Variants in STIM1 observed in about 807,000 individuals in gnomAD.
The protein encoded by STIM1 is stromal interaction molecule 1.
Under a neutral mutation model 74.7 loss-of-function variants are expected in STIM1, and 25 were observed. The observed-to-expected ratio is 0.33, with a 90% CI of 0.24 to 0.47. The LOEUF (loss-of-function observed/expected upper bound fraction) is 0.47, where lower values mean the gene tolerates loss of function less well. Among genes scored for constraint, STIM1 ranks in the 20% least tolerant of loss-of-function variants. STIM1 has a pLI of 1.00. For synonymous variants in STIM1, 328 were observed against 348.8 expected, an observed-to-expected ratio of 0.94 and a Z score of 0.66; for missense variants, 728 against 920.8, an observed-to-expected ratio of 0.79 and a Z score of 2.71.
chr11:4,079,467 G>T (rs11030853), intron 7 of STIM1, among the ~76,000 whole-genome samples: 2 of 151,056 alleles, frequency 1.3e-5, no homozygotes, highest in Non-Finnish European at 3.0e-5. Context: ...ACAGCTATTC[G>T]GGAGGCTCAG....
intron 1 of STIM1, among the ~76,000 whole-genome samples, chr11:3,873,881 T>C (rs1367814246): frequency 6.6e-6 from 1 of 152,106 alleles, no homozygotes; most frequent in Admixed American, 6.6e-5. Flanking sequence ...CTTGAGCATA[T>C]CTAATTGGCT....
At chr11:4,025,013 C>T (rs2093987532) in intron 3 of STIM1, among the ~76,000 whole-genome samples, 1 of 152,100 alleles carries the variant, frequency 6.6e-6, no homozygotes, top group Admixed American at 6.6e-5. Context: ...CCATCAGGAT[C>T]CCTGGTTTTT....
At chr11:4,039,643 T>G (rs1226465087) in intron 3 of STIM1, among the ~76,000 whole-genome samples, 2 of 151,932 alleles carry the variant, frequency 1.3e-5, no homozygotes, top group African/African-American at 4.8e-5. Flanking sequence ...TTTTTCATGT[T>G]TATCTGTGAG....
intron 1 of STIM1, among the ~76,000 whole-genome samples, chr11:3,912,746 G>A (rs1255816918): frequency 6.6e-6 from 1 of 152,166 alleles, no homozygotes; most frequent in African/African-American, 2.4e-5. Flanking sequence ...TGCCAATGTG[G>A]GCTCTCTCAT....
intron 3 of STIM1, among the ~76,000 whole-genome samples, chr11:4,033,937 A>G (rs1041223778): frequency 6.6e-6 from 1 of 151,852 alleles, no homozygotes; most frequent in Admixed American, 6.6e-5. Flanking sequence ...TTCACCATAA[A>G]ATATAATGTT....
intron 1 of STIM1, among the ~76,000 whole-genome samples, chr11:3,905,133 C>A (rs2092443541): frequency 6.6e-6 from 1 of 151,930 alleles, no homozygotes; most frequent in African/African-American, 2.4e-5. Context: ...GCAATAGTGT[C>A]TGTTGCAGCA....
chr11:3,922,965 A>G (rs2092737007), intron 1 of STIM1, among the ~76,000 whole-genome samples: 1 of 151,918 alleles, frequency 6.6e-6, no homozygotes, highest in African/African-American at 2.4e-5. Flanking sequence ...CAGGCATGGT[A>G]GCGGGCGCCT....
At chr11:4,055,917 G>C (rs1309944765) in intron 4 of STIM1, among the ~76,000 whole-genome samples, 1 of 152,150 alleles carries the variant, frequency 6.6e-6, no homozygotes, top group Non-Finnish European at 1.5e-5. Context: ...ACTCAACACT[G>C]TATACAGTAT....
At chr11:4,060,601 G>A (rs1191828023) in intron 5 of STIM1, among the ~76,000 whole-genome samples, 1 of 152,030 alleles carries the variant, frequency 6.6e-6, no homozygotes, top group African/African-American at 2.4e-5. Flanking sequence ...TTTGAATAAC[G>A]ACACAGTGAA....
chr11:3,966,438 TTTAGGTCTTTGA>T lies in STIM1; in HGVS notation c.140-1109_140-1098del, dbSNP rs145699631. 8.1e-3 allele frequency among the ~76,000 whole-genome samples: 1,240 copies of T among 152,302 alleles called. 16 individuals carry two copies. The highest frequency in any genetic ancestry group is 0.029 in the African/African-American group (1,185 of 41,554). ...TAGATGATTAAATGGATTAGGGTAT[TTTAGGTCTTTGA>T]TTAGTGCCTTCTAAAAGGCGTCACA... On this transcript the variant is annotated intron_variant, in intron 1 of 12. Transcript: ENST00000526596.
At chr11:3,892,888 G>A in intron 1 of STIM1, 5 of 1,514,222 alleles carry the variant, frequency 3.3e-6, no homozygotes, top group Admixed American at 1.7e-5. Context: ...GGTTAACCAC[G>A]GCTGATAGTA....
intron 1 of STIM1, among the ~76,000 whole-genome samples, chr11:3,905,216 A>T (rs1035559732): frequency 4.6e-5 from 7 of 151,640 alleles, no homozygotes; most frequent in Non-Finnish European, 8.8e-5. Context: ...GTTTCAGTGG[A>T]GGGGTGGGGA....
intron 1 of STIM1, among the ~76,000 whole-genome samples, chr11:3,907,553 T>C (rs1025497160): frequency 2.0e-5 from 3 of 152,232 alleles, no homozygotes; most frequent in Non-Finnish European, 4.4e-5. Flanking sequence ...GGTGAGATAA[T>C]AGCCTAACTG....
At chr11:3,945,883 T>A (rs764558080) in intron 1 of STIM1, among the ~76,000 whole-genome samples, 3 of 152,110 alleles carry the variant, frequency 2.0e-5, no homozygotes, top group Non-Finnish European at 4.4e-5. Flanking sequence ...ACAGTCATGG[T>A]GAAAGGCAAA....
At chr11:3,895,284 C>T (rs568961949) in intron 1 of STIM1, among the ~76,000 whole-genome samples, 1 of 152,298 alleles carries the variant, frequency 6.6e-6, no homozygotes, top group East Asian at 1.9e-4. Flanking sequence ...GTGGGACTGG[C>T]TCCTTCTCCT....
chr11:3,857,356 A>G (rs2090426602), intron 1 of STIM1, among the ~76,000 whole-genome samples: 1 of 151,680 alleles, frequency 6.6e-6, no homozygotes. Context: ...GGTTCAAGTG[A>G]TCCTCCTGCC....
At chr11:3,931,108 A>G (rs2092854464) in intron 1 of STIM1, among the ~76,000 whole-genome samples, 1 of 152,230 alleles carries the variant, frequency 6.6e-6, no homozygotes. Context: ...GGGAGGGTGC[A>G]TATATCAGAG....
intron 7 of STIM1, among the ~76,000 whole-genome samples, chr11:4,080,955 C>CTAGT (rs1192607293): frequency 6.6e-6 from 1 of 151,928 alleles, no homozygotes; most frequent in African/African-American, 2.4e-5. Context: ...TCTAAGGTAT[C>CTAGT]TAGTCTTCAT....
intron 1 of STIM1, among the ~76,000 whole-genome samples, chr11:3,907,869 C>G (rs1163956807): frequency 6.6e-6 from 1 of 152,202 alleles, no homozygotes; most frequent in Non-Finnish European, 1.5e-5. Flanking sequence ...TGCATTGGTT[C>G]TTCCTTCTTA....
Sources: allele counts gnomAD v4.1 joint callset (sites outside exome capture counted in the v4.1 genomes callset), GRCh38; gene constraint gnomAD v4.1.1; transcripts MANE v1.5; gene names NCBI Gene and HGNC (gene_info 2026-07-23, HGNC 2026-07-21).